The following ZNF195 variants were observed in gnomAD, a reference collection of about 807,000 sequenced individuals.
ZNF195 encodes zinc finger protein 195.
Under a neutral mutation model 19.5 loss-of-function variants are expected in ZNF195, and 11 were observed. The observed-to-expected ratio is 0.57, with a 90% CI of 0.36 to 0.94. The LOEUF (loss-of-function observed/expected upper bound fraction) is 0.94, where lower values mean the gene tolerates loss of function less well. Among genes scored for constraint, ZNF195 ranks in the 40% least tolerant of loss-of-function variants. ZNF195 has a pLI of 0.01. For missense variants in ZNF195, 582 were observed against 709.0 expected (o/e 0.82, Z 2.03); for synonymous variants, 214 against 248.1 (o/e 0.86, Z 1.29).
chr11:3,363,208 T>C (rs1848714746), intron 3 of ZNF195: 1 of 152,206 alleles, frequency 6.6e-6, no homozygotes, highest in African/African-American at 2.4e-5. Context: ...CAATATAATA[T>C]TGGCATACTT....
chr11:3,360,317 A>T lies in ZNF195; in HGVS notation c.691T>A (p.Leu231Ile), dbSNP rs1419033587. The part of the protein sequence containing the change: ...YVKIFDNFSN[L>I]HRRNISNTGE... ...GTATTACTTATATTACGTCTATGTA[A>T]ATTTGAAAAGTTATCAAAGATTTTA... is the stretch of plus-strand genomic sequence containing the variant. The change falls in exon 6 of 6, where the codon TTA (leucine) becomes ATA (isoleucine). Residue 231 changes from leucine to isoleucine, a missense_variant. Coordinates refer to ENST00000399602, the MANE Select transcript of ZNF195 (RefSeq NM_001130520.3). The T allele has an allele frequency of 2.6e-5, 41 of 1,604,564 alleles. No individual in the cohort carries two copies. Among genetic ancestry groups the T allele is most frequent in the Non-Finnish European group, 3.4e-5 (40 of 1,174,502 alleles).
intron 3 of ZNF195, chr11:3,369,395 C>A (rs1367783271): frequency 2.5e-6 from 1 of 395,734 alleles, no homozygotes; most frequent in Middle Eastern, 3.5e-4. Flanking sequence ...TATATAATAA[C>A]TGAAGGGAAT....
rs1848467853 is a variant in ZNF195 at position 3,358,161 on chromosome 11, C to T, written c.*957G>A. The T allele has an allele frequency of 6.6e-6, 1 of 151,996 alleles. No individual in the cohort carries two copies. The highest frequency in any genetic ancestry group is 1.9e-4 in the East Asian group (1 of 5,180). The allele number at this position is 151,996 out of a possible 1,614,324, so 9.4% of individuals were successfully genotyped here. A position where few individuals can be genotyped will look rare whatever the true frequency, so the allele number is the denominator to read the frequency against. The stretch of plus-strand genomic sequence containing the variant: ...AGCTTTGTTATGCGAGGTGAACAGA[C>T]ATGTTAACCGCATCCTGTAACTGTC... On this transcript the variant is annotated 3_prime_UTR_variant, in exon 6 of 6. Transcript: ENST00000399602.
intron 3 of ZNF195, chr11:3,369,578 T>A: frequency 2.3e-6 from 1 of 429,224 alleles, no homozygotes; most frequent in East Asian, 7.3e-5. Context: ...TGAAATCCTG[T>A]CATTCAACCA....
intron 3 of ZNF195, chr11:3,367,240 C>G (rs1848941179): frequency 5.7e-6 from 1 of 176,138 alleles, no homozygotes; most frequent in African/African-American, 2.4e-5. Flanking sequence ...TGGGGGAAGC[C>G]TCAAGTGATG....
chr11:3,359,330 T>A lies in ZNF195; in HGVS notation c.1678A>T (p.Met560Leu). 1 of 1,613,924 alleles carries A rather than the reference T, an allele frequency of 6.2e-7. No individual in the cohort carries two copies. The highest frequency in any genetic ancestry group is 8.5e-7 in the Non-Finnish European group (1 of 1,179,896). ...YKCEECGRVF[M>L]WFSDITKHKK... Reference sequence around the variant, plus strand: ...TGTTTGGTAATGTCTGAGAACCACATGAAGACTCTGCCACATTCTTCACAC... The same window carrying A: ...TGTTTGGTAATGTCTGAGAACCACAAGAAGACTCTGCCACATTCTTCACAC... The change falls in exon 6 of 6, where the codon ATG becomes TTG. Residue 560 changes from methionine (M) to leucine (L), a missense_variant. Coordinates refer to ENST00000399602, the MANE Select transcript of ZNF195 (RefSeq NM_001130520.3). The surrounding 1 kb of genome is among the most constrained non-coding windows in gnomAD (Gnocchi z 5.5).
chr11:3,369,292 G>T, intron 3 of ZNF195: 1 of 247,308 alleles, frequency 4.0e-6, no homozygotes. Context: ...TTCTCAACTG[G>T]TAGAGTCATT....
At chr11:3,360,845 C>T in intron 4 of ZNF195, 57 bp from the exon 5 acceptor site, 1 of 1,462,658 alleles carries the variant, frequency 6.8e-7, no homozygotes, top group Non-Finnish European at 9.3e-7. Context: ...GCAGCCCCCG[C>T]TCCTCCGCAG....
intron 1 of ZNF195, among the ~76,000 whole-genome samples, chr11:3,375,848 C>T (rs1248328913): frequency 1.3e-5 from 2 of 152,048 alleles, no homozygotes; most frequent in Admixed American, 6.5e-5. Flanking sequence ...ACAGATAGAC[C>T]GTTTTGTCAG....
At chr11:3,362,606 T>TA (rs1177821787) in intron 3 of ZNF195, 2 of 571,756 alleles carry the variant, frequency 3.5e-6, no homozygotes, top group African/African-American at 3.7e-5. Flanking sequence ...AAAATACCTA[T>TA]AAGACACACA....
chr11:3,358,981 G>A lies in ZNF195; in HGVS notation c.*137C>T. The A allele has an allele frequency of 8.8e-7, 1 of 1,136,042 alleles. No individual in the cohort carries two copies. The highest frequency in any genetic ancestry group is 1.2e-6 in the Non-Finnish European group (1 of 869,432). The allele number at this position is 1,136,042 out of a possible 1,614,324, so 70.4% of individuals were successfully genotyped here. On this transcript the variant is annotated 3_prime_UTR_variant, in exon 6 of 6. Coordinates refer to ENST00000399602, the MANE Select transcript of ZNF195 (RefSeq NM_001130520.3). ...AGAAGAAATACTCTTGTGTGCTCTGGAGACTTATATTTCATGAAAGGTCTT... is the reference window on the plus strand; with the variant it reads ...AGAAGAAATACTCTTGTGTGCTCTGAAGACTTATATTTCATGAAAGGTCTT...
At position 3,358,742 on chromosome 11, in the gene ZNF195, T is replaced by C; in HGVS notation, c.*376A>G. 1 of 188,792 alleles carries C rather than the reference T, an allele frequency of 5.3e-6. No individual in the cohort carries two copies. Among genetic ancestry groups the C allele is most frequent in the Admixed American group, 5.6e-5 (1 of 17,824 alleles). The allele number at this position is 188,792 out of a possible 1,614,324, so 11.7% of individuals were successfully genotyped here. On this transcript the variant is annotated 3_prime_UTR_variant, in exon 6 of 6. Transcript: ENST00000399602. Reference sequence around the variant, plus strand: ...GTCTCTGTAGACTCAACACAGGGATTCAGTGTCATTTCTGAACGTGTCCTT... The same window carrying C: ...GTCTCTGTAGACTCAACACAGGGATCCAGTGTCATTTCTGAACGTGTCCTT...
At chr11:3,371,144 G>A in intron 2 of ZNF195, 74 bp from the exon 3 acceptor site, 1 of 1,358,934 alleles carries the variant, frequency 7.4e-7, no homozygotes, top group Non-Finnish European at 1.0e-6. Flanking sequence ...GTGCTTAGTA[G>A]AGTGAACATT....
chr11:3,372,639 A>G (rs1297915670), intron 1 of ZNF195, among the ~76,000 whole-genome samples: 1 of 152,116 alleles, frequency 6.6e-6, no homozygotes, highest in African/African-American at 2.4e-5. Context: ...AGGTTCTGAC[A>G]AATAAATATC....
At chr11:3,365,798 T>G (rs1848853538) in intron 3 of ZNF195, among the ~76,000 whole-genome samples, 1 of 152,076 alleles carries the variant, frequency 6.6e-6, no homozygotes, top group Non-Finnish European at 1.5e-5. Context: ...AGCCCAGAAA[T>G]AAACCCTTGT....
chr11:3,371,101 T>A, intron 2 of ZNF195, 31 bp from the exon 3 acceptor site: 1 of 1,602,402 alleles, frequency 6.2e-7, no homozygotes, highest in Non-Finnish European at 8.5e-7. Flanking sequence ...GACATTACTC[T>A]TGCTGAAATT....
chr11:3,370,946 G>A (rs887496734), intron 3 of ZNF195, 29 bp downstream of exon 3: 16 of 1,611,750 alleles, frequency 9.9e-6, no homozygotes, highest in African/African-American at 1.3e-5. Flanking sequence ...CTCTCACCTG[G>A]GTTACCTGCT....
chr11:3,377,612 G>GTAA, intron 1 of ZNF195: 1 of 1,215,442 alleles, frequency 8.2e-7, no homozygotes, highest in African/African-American at 1.6e-5. Context: ...GTCCTAAGTG[G>GTAA]TTACCTCTTT....
intron 1 of ZNF195, chr11:3,373,698 C>T: frequency 1.4e-6 from 2 of 1,417,902 alleles, no homozygotes; most frequent in Non-Finnish European, 1.9e-6. Context: ...TAGCACAACC[C>T]CTTCACCTGC....
Sources: allele counts gnomAD v4.1 joint callset (sites outside exome capture counted in the v4.1 genomes callset), GRCh38; gene constraint gnomAD v4.1.1; non-coding constraint Gnocchi (gnomAD v3.1); transcripts MANE v1.5; gene names NCBI Gene and HGNC (gene_info 2026-07-23, HGNC 2026-07-21).